The following PKHD1 variants were observed in gnomAD, a reference collection of about 807,000 sequenced individuals.
PKHD1 encodes fibrocystin.
Under a neutral mutation model 412.0 loss-of-function variants are expected in PKHD1, and 291 were observed. That is an observed-to-expected ratio of 0.71 (90% CI 0.64 to 0.78). The LOEUF (loss-of-function observed/expected upper bound fraction) is 0.78, where lower values mean the gene tolerates loss of function less well. Ranked by LOEUF, PKHD1 falls within the 30% of genes least tolerant of loss-of-function variation. The pLI is 0.00. For synonymous variants in PKHD1, 1,777 were observed against 1,821.5 expected, an observed-to-expected ratio of 0.98 and a Z score of 0.62; for missense variants, 4,825 against 4,950.7, an observed-to-expected ratio of 0.97 and a Z score of 0.76.
At chr6:51,841,026 TAAGTA>T (rs141218521) in intron 50 of PKHD1, among the ~76,000 whole-genome samples, 2,397 of 152,274 alleles carry the variant, frequency 0.016, 44 homozygotes, top group African/African-American at 0.052. Context: ...AGAAAAATAT[TAAGTA>T]AATAATCAGA....
In PKHD1 at chr6:51,651,139, G is replaced by A. The variant is rs1279717620; in HGVS notation, c.11175-1919C>T. 3.3e-5 allele frequency among the ~76,000 whole-genome samples: 5 copies of A among 152,056 alleles called. No individual in the cohort carries two copies. In the East Asian group the frequency reaches 9.7e-4, roughly 29 times the overall value. On this transcript the variant is annotated intron_variant, in intron 61 of 66. Coordinates refer to ENST00000371117, the MANE Select transcript of PKHD1 (RefSeq NM_138694.4). ...CAACTGCCTGAACACCCGCTAAAAG[G>A]TCCATTCCTGACACACTTTAAAGTT...
At chr6:51,941,453 C>A (rs1158707393) in intron 36 of PKHD1, among the ~76,000 whole-genome samples, 1 of 149,908 alleles carries the variant, frequency 6.7e-6, no homozygotes, top group African/African-American at 2.4e-5. Context: ...GACGGGGTTT[C>A]ACCTTGTTAG....
intron 65 of PKHD1, among the ~76,000 whole-genome samples, chr6:51,632,209 G>A (rs1358604409): frequency 6.6e-6 from 1 of 151,978 alleles, no homozygotes; most frequent in East Asian, 1.9e-4. Flanking sequence ...CTCCCAAAGT[G>A]CTGGTTTCCC....
chr6:51,981,425 C>T (rs1368178271), intron 35 of PKHD1, among the ~76,000 whole-genome samples: 85 of 151,004 alleles, frequency 5.6e-4, no homozygotes, highest in Non-Finnish European at 6.2e-4. Context: ...GCTGCCATCT[C>T]GGCTCACTGC....
chr6:51,961,693 G>T (rs1448972357), intron 35 of PKHD1, among the ~76,000 whole-genome samples: 1 of 152,102 alleles, frequency 6.6e-6, no homozygotes, highest in African/African-American at 2.4e-5. Context: ...TGGAATGAAA[G>T]AAGGTGGGAA....
At chr6:51,705,022 A>G (rs573701839) in intron 60 of PKHD1, among the ~76,000 whole-genome samples, 1 of 152,192 alleles carries the variant, frequency 6.6e-6, no homozygotes, top group South Asian at 2.1e-4. Context: ...TTTCAAAAGG[A>G]CTGAGATCAG....
At chr6:51,639,879 T>TA (rs778681011) in intron 63 of PKHD1, among the ~76,000 whole-genome samples, 10 of 152,218 alleles carry the variant, frequency 6.6e-5, no homozygotes, top group Admixed American at 1.3e-4. Flanking sequence ...TGCTTAGTGT[T>TA]ACATTTTTCA....
intron 26 of PKHD1, 119 bp downstream of exon 26, chr6:52,043,506 A>G (rs1448972861): frequency 1.7e-5 from 13 of 757,844 alleles, no homozygotes; most frequent in African/African-American, 5.2e-5. Context: ...ACGTCACTCA[A>G]CCTCTGCCTA....
chr6:51,979,930 T>G lies in PKHD1; in HGVS notation c.5752-19904A>C, dbSNP rs568290174. Among the ~76,000 whole-genome samples, 3 of 152,302 alleles carry G rather than the reference T, an allele frequency of 2.0e-5. No individual in the cohort carries two copies. The East Asian group carries it at 5.8e-4, about 29-fold the overall frequency. On this transcript the variant is annotated intron_variant, in intron 35 of 66. Transcript: ENST00000371117. ...TGATCTTCTTGGACCCTGGAGAAGC[T>G]ATCTTCTCTCAGTGCTGCCCTGCGC...
intron 34 of PKHD1, among the ~76,000 whole-genome samples, chr6:52,012,201 T>C (rs1396996047): frequency 6.6e-6 from 1 of 152,244 alleles, no homozygotes; most frequent in Non-Finnish European, 1.5e-5. Flanking sequence ...AATAATCAAG[T>C]ACCTATTTTG....
chr6:51,858,023 C>A (rs561920722), intron 48 of PKHD1, among the ~76,000 whole-genome samples: 102 of 152,144 alleles, frequency 6.7e-4, no homozygotes, highest in African/African-American at 2.4e-3. Flanking sequence ...TCCACCCTTC[C>A]CCACCCACCC....
At chr6:51,829,587 A>G (rs966943090) in intron 52 of PKHD1, among the ~76,000 whole-genome samples, 3 of 152,054 alleles carry the variant, frequency 2.0e-5, no homozygotes, top group Non-Finnish European at 4.4e-5. Context: ...TCCTCCATCA[A>G]AGAGAGGTGG....
intron 60 of PKHD1, among the ~76,000 whole-genome samples, chr6:51,728,405 G>T (rs1371915373): frequency 6.6e-6 from 1 of 152,166 alleles, no homozygotes; most frequent in East Asian, 1.9e-4. Context: ...CTGTGGAATT[G>T]AATAGGGGAA....
intron 11 of PKHD1, among the ~76,000 whole-genome samples, chr6:52,069,127 A>G (rs1201275718): frequency 6.6e-6 from 1 of 152,224 alleles, no homozygotes; most frequent in Admixed American, 6.5e-5. Flanking sequence ...TGTTAAAGTA[A>G]CTGGAAAGAT....
chr6:52,070,439 T>A lies in PKHD1; in HGVS notation c.674A>T (p.Gln225Leu), dbSNP rs749690371. The part of the protein sequence containing the change: ...CHVEGDYIGS[Q>L]NVSFSVFNKG... ...GTTAAATACTGAGAAGCTAACATTC[T>A]GGGAGCCTGTAACACAAAGAAACAC... Residue 225 changes from glutamine to leucine, a missense_variant, in exon 10 of 67, where the codon CAG (glutamine) becomes CTG (leucine). Gln to Leu is a moderately radical substitution (Grantham distance 113, BLOSUM62 -2). Coordinates refer to ENST00000371117, the MANE Select transcript of PKHD1 (RefSeq NM_138694.4). The A allele has an allele frequency of 1.9e-6, 3 of 1,609,994 alleles. No individual in the cohort carries two copies. In the South Asian group the frequency reaches 3.3e-5, roughly 18 times the overall value.
intron 50 of PKHD1, among the ~76,000 whole-genome samples, chr6:51,844,882 C>G (rs1407978205): frequency 6.6e-6 from 1 of 152,126 alleles, no homozygotes; most frequent in Non-Finnish European, 1.5e-5. Context: ...AGCTTCCCTA[C>G]AATAAAATAA....
In PKHD1 at chr6:52,026,069, G is replaced by A; in HGVS notation, c.3741C>T (p.Ile1247=). 1 of 1,614,176 alleles carries A rather than the reference G, an allele frequency of 6.2e-7. No homozygotes were observed. The highest frequency in any genetic ancestry group is 8.5e-7 in the Non-Finnish European group (1 of 1,180,042). Residue 1247 remains isoleucine, a synonymous_variant, in exon 32 of 67, where the codon ATC becomes ATT. Transcript: ENST00000371117. ...CDIVNLTEAS[I]WCETLPAPQI... is the part of the protein sequence containing the mutation. The stretch of plus-strand genomic sequence containing the variant: ...GGGGGGCTGGCAGGGTTTCACACCA[G>A]ATGCTCGCCTCCGTTAAGTTCACAA...
intron 63 of PKHD1, among the ~76,000 whole-genome samples, chr6:51,644,620 A>G (rs1174647305): frequency 6.6e-6 from 1 of 152,126 alleles, no homozygotes; most frequent in Non-Finnish European, 1.5e-5. Flanking sequence ...AACATTTTGG[A>G]CAACACAAAA....
intron 60 of PKHD1, among the ~76,000 whole-genome samples, chr6:51,717,210 G>C (rs1028443356): frequency 1.3e-5 from 2 of 152,144 alleles, no homozygotes; most frequent in African/African-American, 4.8e-5. Context: ...TCAAGAGTTC[G>C]AGAACAGCCT....
Sources: gnomAD v4.1 joint callset for allele counts (sites outside exome capture counted in the v4.1 genomes callset) on GRCh38, gnomAD v4.1.1 for gene constraint, MANE v1.5 for transcripts, NCBI Gene and HGNC (gene_info 2026-07-23, HGNC 2026-07-21) for gene names.